The following APOLD1 variants were observed in gnomAD, a reference collection of about 807,000 sequenced individuals.
The protein encoded by APOLD1 is apolipoprotein L domain containing 1, also known as apolipoprotein L domain-containing protein 1.
A neutral mutation model predicts 15.3 loss-of-function variants in APOLD1; 22 were observed. The observed-to-expected ratio is 1.44, with a 90% CI of 1.03 to 2.05. The LOEUF (loss-of-function observed/expected upper bound fraction) is 2.05, where lower values mean the gene tolerates loss of function less well. Ranked by LOEUF, APOLD1 falls within the 30% of genes most tolerant of loss-of-function variation. APOLD1 has a pLI of 0.00. For synonymous variants in APOLD1, 190 were observed against 167.4 expected, an observed-to-expected ratio of 1.13 and a Z score of -1.04; for missense variants, 394 against 353.5, an observed-to-expected ratio of 1.11 and a Z score of -0.92.
intron 1 of APOLD1, among the ~76,000 whole-genome samples, chr12:12,754,428 T>C (rs1283632865): frequency 2.0e-5 from 3 of 151,730 alleles, no homozygotes; most frequent in Admixed American, 1.3e-4. Flanking sequence ...GAAGGGCCTT[T>C]CCTACCAGAC....
At chr12:12,761,830 T>TAGAG (rs6144616) in intron 1 of APOLD1, among the ~76,000 whole-genome samples, 1,453 of 114,612 alleles carry the variant, frequency 0.013, 43 homozygotes, top group African/African-American at 0.025. Context: ...TGTATATGTA[T>TAGAG]AGAGAGAGAG....
At position 12,768,763 on chromosome 12, in the gene APOLD1, G is replaced by C. The variant is rs191722518; in HGVS notation, c.97-18146G>C. 4.6e-3 allele frequency among the ~76,000 whole-genome samples: 692 copies of C among 150,878 alleles called. 4 individuals are homozygous for C. The highest frequency in any genetic ancestry group is 0.014 in the Middle Eastern group (4 of 286). Reference sequence around the variant, plus strand: ...CAAACTCCTCGTTTTCACTTTATGTGCAGAGGCCTAACTTATAGAAAATGC... The same window carrying C: ...CAAACTCCTCGTTTTCACTTTATGTCCAGAGGCCTAACTTATAGAAAATGC... On this transcript the variant is annotated intron_variant, in intron 1 of 1. Coordinates refer to the APOLD1 transcript ENST00000326765.
intron 1 of APOLD1, among the ~76,000 whole-genome samples, chr12:12,743,654 A>T (rs767911501): frequency 2.6e-5 from 4 of 152,196 alleles, no homozygotes; most frequent in Non-Finnish European, 5.9e-5. Flanking sequence ...ATGGTATGTT[A>T]TATGGCAAAG....
intron 1 of APOLD1, among the ~76,000 whole-genome samples, chr12:12,729,617 G>A (rs747080609): frequency 2.6e-5 from 4 of 151,918 alleles, no homozygotes; most frequent in Non-Finnish European, 4.4e-5. Flanking sequence ...AGCAAGACCT[G>A]TTTCTAAAAA....
intron 1 of APOLD1, among the ~76,000 whole-genome samples, chr12:12,757,379 G>A (rs997945993): frequency 1.3e-5 from 2 of 152,110 alleles, no homozygotes; most frequent in Non-Finnish European, 2.9e-5. Context: ...AGCTAACCCC[G>A]CATGACAGCT....
In APOLD1 at chr12:12,786,949, A is replaced by T; in HGVS notation, c.44A>T (p.Asp15Val). The T allele has an allele frequency of 6.9e-7, 1 of 1,459,742 alleles. No homozygotes were observed. Among genetic ancestry groups the T allele is most frequent in the Non-Finnish European group, 9.0e-7 (1 of 1,114,792 alleles). The allele number at this position is 1,459,742 out of a possible 1,614,324, so 90.4% of individuals were successfully genotyped here. A position where few individuals can be genotyped will look rare whatever the true frequency, so the allele number is the denominator to read the frequency against. Residue 15 changes from aspartate (D) to valine (V), a missense_variant, in exon 2 of 2, where the codon GAC becomes GTC. Asp to Val is a radical substitution (Grantham distance 152). Coordinates refer to ENST00000356591, the MANE Select transcript of APOLD1 (RefSeq NM_030817.3). ...RPAAREPHGP[D>V]ALRRFQGLLL... Reference sequence around the variant, plus strand: ...GCGGCCCGGGAGCCGCATGGGCCCGACGCGCTGCGGCGCTTCCAGGGACTG... The same window carrying T: ...GCGGCCCGGGAGCCGCATGGGCCCGTCGCGCTGCGGCGCTTCCAGGGACTG...
At chr12:12,760,112 G>A (rs541835445) in intron 1 of APOLD1, among the ~76,000 whole-genome samples, 143 of 152,216 alleles carry the variant, frequency 9.4e-4, no homozygotes, top group African/African-American at 3.2e-3. Context: ...CAAGGCAGGC[G>A]GATCACTTGA....
chr12:12,746,510 A>AATAAATACATAAATAC (rs144931163), intron 1 of APOLD1, among the ~76,000 whole-genome samples: 22,334 of 149,778 alleles, frequency 0.15, 2,326 homozygotes, highest in African/African-American at 0.29. Flanking sequence ...TAAATAAATA[A>AATAAATACATAAATAC]ATAAATACAT....
chr12:12,757,287 G>A (rs1452783405), intron 1 of APOLD1, among the ~76,000 whole-genome samples: 1 of 152,094 alleles, frequency 6.6e-6, no homozygotes, highest in Non-Finnish European at 1.5e-5. Flanking sequence ...CTTTTGGTGA[G>A]CCCAAGTTCA....
chr12:12,750,929 T>G (rs1232094886), intron 1 of APOLD1, among the ~76,000 whole-genome samples: 2 of 147,322 alleles, frequency 1.4e-5, no homozygotes, highest in African/African-American at 5.0e-5. Flanking sequence ...CATGGGCTAC[T>G]GCACCTGGCT....
At chr12:12,748,526 A>T (rs1946782746) in intron 1 of APOLD1, among the ~76,000 whole-genome samples, 1 of 152,204 alleles carries the variant, frequency 6.6e-6, no homozygotes, top group Non-Finnish European at 1.5e-5. Flanking sequence ...TATTTCTGGG[A>T]TGCATGTGAT....
chr12:12,776,905 T>C (rs1470859109), intron 1 of APOLD1, among the ~76,000 whole-genome samples: 2 of 152,198 alleles, frequency 1.3e-5, no homozygotes, highest in African/African-American at 4.8e-5. Context: ...AATATAAGAC[T>C]AGCCAGCAAT....
In APOLD1 at chr12:12,787,089, C is replaced by G. The variant is rs1205954275; in HGVS notation, c.184C>G (p.Leu62Val). The G allele has an allele frequency of 2.9e-6, 4 of 1,401,646 alleles. No individual in the cohort carries two copies. The highest frequency in any genetic ancestry group is 7.1e-5 in the Admixed American group (2 of 28,124). 86.8% of individuals were successfully genotyped at this position (1,401,646 alleles called of 1,614,324 possible). Residue 62 changes from leucine (L) to valine (V), a missense_variant, in exon 2 of 2, where the codon CTG (leucine) becomes GTG (valine). Leu to Val is a conservative substitution (Grantham distance 32). Coordinates refer to ENST00000356591, the MANE Select transcript of APOLD1 (RefSeq NM_030817.3). This position sits in a 1 kb window ranked among gnomAD's most constrained non-coding sequence, Gnocchi z 4.9. ...SLVANVAGSSLSATGALAAIV... is the reference protein window; with the variant it reads ...SLVANVAGSSVSATGALAAIV... ...CGTAGCCAACGTGGCCGGCAGCTCG[C>G]TGAGCGCAACGGGCGCCCTCGCCGC...
intron 1 of APOLD1, among the ~76,000 whole-genome samples, chr12:12,735,586 T>G (rs1475176949): frequency 6.6e-6 from 1 of 152,004 alleles, no homozygotes; most frequent in Non-Finnish European, 1.5e-5. Flanking sequence ...TAAGCCACAT[T>G]AGGAATTTTG....
chr12:12,743,226 G>A (rs1946741216), intron 1 of APOLD1, among the ~76,000 whole-genome samples: 1 of 152,176 alleles, frequency 6.6e-6, no homozygotes, highest in Admixed American at 6.5e-5. Context: ...CATTTTATTT[G>A]TGCAATCAAA....
At chr12:12,771,640 C>A in intron 1 of APOLD1, 2 of 501,050 alleles carry the variant, frequency 4.0e-6, no homozygotes, top group South Asian at 1.5e-5. Flanking sequence ...TTGCTATTGT[C>A]AGAGTTCATT....
At chr12:12,765,383 A>G (rs1421005736) in intron 1 of APOLD1, among the ~76,000 whole-genome samples, 3 of 152,202 alleles carry the variant, frequency 2.0e-5, no homozygotes, top group Non-Finnish European at 4.4e-5. Context: ...GAAATTTGTT[A>G]TAAGAATTAT....
At chr12:12,764,009 C>G (rs1946924722) in intron 1 of APOLD1, among the ~76,000 whole-genome samples, 1 of 152,146 alleles carries the variant, frequency 6.6e-6, no homozygotes, top group South Asian at 2.1e-4. Context: ...GTCACCCAGG[C>G]TGGAGTGCAG....
intron 1 of APOLD1, among the ~76,000 whole-genome samples, chr12:12,742,854 T>A (rs570565204): frequency 1.6e-4 from 24 of 151,830 alleles, no homozygotes; most frequent in Admixed American, 1.6e-3. Context: ...AGCCTTGACA[T>A]CCAGGGCTCA....
Sources: gnomAD v4.1 joint callset for allele counts (sites outside exome capture counted in the v4.1 genomes callset) on GRCh38, gnomAD v4.1.1 for gene constraint, Gnocchi (gnomAD v3.1) non-coding constraint, MANE v1.5 for transcripts, NCBI Gene and HGNC (gene_info 2026-07-23, HGNC 2026-07-21) for gene names.